NHLH2: variants seen among roughly 807,000 people sequenced by gnomAD.
NHLH2 encodes the protein nescient helix-loop-helix 2, also known as helix-loop-helix protein 2.
Under a neutral mutation model 7.3 loss-of-function variants are expected in NHLH2, and 7 were observed. The ratio of observed to expected loss-of-function variants is 0.96; its 90% CI spans 0.55 to 1.81. The LOEUF (loss-of-function observed/expected upper bound fraction) is 1.81, where lower values mean the gene tolerates loss of function less well. NHLH2 is among the 40% of genes most tolerant of loss of function. NHLH2 has a pLI of 0.00. For missense variants in NHLH2, 155 were observed against 194.0 expected (o/e 0.80, Z 1.19); for synonymous variants, 93 against 91.6 (o/e 1.01, Z -0.09).
chr1:115,835,206 C>T (rs1393989078), downstream of NHLH2, among the ~76,000 whole-genome samples: 1 of 152,142 alleles, frequency 6.6e-6, no homozygotes, highest in Non-Finnish European at 1.5e-5. Flanking sequence ...CTGTGTTGGT[C>T]AGTTGGAAGT....
At chr1:115,834,746 G>T (rs549064009), downstream of NHLH2, among the ~76,000 whole-genome samples, 224 of 152,274 alleles carry the variant, frequency 1.5e-3, no homozygotes, top group African/African-American at 3.9e-3. Flanking sequence ...AATATTGGGG[G>T]TTTTTTCGCT....
rs760965868 is a variant in NHLH2 at position 115,838,374 on chromosome 1, T to C, written c.-2A>G. The C allele has an allele frequency of 6.2e-7, 1 of 1,608,608 alleles. No individual in the cohort carries two copies. Among genetic ancestry groups the C allele is most frequent in the Non-Finnish European group, 8.5e-7 (1 of 1,179,018 alleles). ...TGCTTGGTCCGGACTCAGCATCATT[T>C]TGGAGGCTGAGGAGGGGTCGGAAAA... On this transcript the variant is annotated 5_prime_UTR_variant, in exon 3 of 3. Coordinates refer to ENST00000320238, the MANE Select transcript of NHLH2 (RefSeq NM_005599.3).
downstream of NHLH2, among the ~76,000 whole-genome samples, chr1:115,834,649 C>T (rs1167584917): frequency 6.6e-6 from 1 of 152,180 alleles, no homozygotes; most frequent in Non-Finnish European, 1.5e-5. Flanking sequence ...CTCTAAAATG[C>T]TACCCAGCAC....
rs10802028 is a variant in NHLH2, at chr1:115,837,748, G to C, written c.*217C>G. 0.084 allele frequency: 45,667 copies of C among 545,228 alleles called. 2,186 individuals carry two copies. The highest frequency in any genetic ancestry group is 0.14 in the Middle Eastern group (296 of 2,068). 33.8% of individuals were successfully genotyped at this position (545,228 alleles called of 1,614,324 possible). ...TGGAAAATCCCCCCTGCGAGCCCCC[G>C]GGCTCGCCAGACAACCCCACCTGCC... is the stretch of plus-strand genomic sequence containing the variant. On this transcript the variant is annotated 3_prime_UTR_variant, in exon 3 of 3. Coordinates refer to ENST00000320238, the MANE Select transcript of NHLH2 (RefSeq NM_005599.3).
Position 115,837,940 on chromosome 1 carries a change from G to A in NHLH2, c.*25C>T. On this transcript the variant is annotated 3_prime_UTR_variant, in exon 3 of 3. Coordinates refer to ENST00000320238, the MANE Select transcript of NHLH2 (RefSeq NM_005599.3). ...TAGCGTTTCGCGGACGCCGGGACAG[G>A]CGGCCCCCCGCGGCGCACCCCGCCC... 1.9e-6 allele frequency: 3 copies of A among 1,581,858 alleles called. No homozygotes were observed. The highest frequency in any genetic ancestry group is 2.3e-5 in the South Asian group (2 of 87,994).
chr1:115,832,387 T>C (rs932021480), downstream of NHLH2, among the ~76,000 whole-genome samples: 1 of 152,242 alleles, frequency 6.6e-6, no homozygotes, highest in African/African-American at 2.4e-5. Flanking sequence ...AAATCATTAC[T>C]ATATTAAAGA....
downstream of NHLH2, among the ~76,000 whole-genome samples, chr1:115,832,302 G>C (rs1450326810): frequency 6.6e-6 from 1 of 152,186 alleles, no homozygotes; most frequent in Non-Finnish European, 1.5e-5. Context: ...TGTCTTAGAA[G>C]ATGGGGATGA....
At chr1:115,833,442 C>T (rs1388380305), downstream of NHLH2, among the ~76,000 whole-genome samples, 1 of 152,050 alleles carries the variant, frequency 6.6e-6, no homozygotes, top group Non-Finnish European at 1.5e-5. Flanking sequence ...TGAAGCTTTC[C>T]CTAGGCACAT....
chr1:115,838,304 G>A lies in NHLH2; in HGVS notation c.69C>T (p.Ser23=). The A allele has an allele frequency of 1.9e-6, 3 of 1,609,282 alleles. No individual in the cohort carries two copies. The highest frequency in any genetic ancestry group is 2.5e-6 in the Non-Finnish European group (3 of 1,179,336). Residue 23 remains serine, a synonymous_variant, in exon 3 of 3, where the codon TCC becomes TCT. Transcript: ENST00000320238. ...GCACCTTGGTGTCCGTGCCGCCCAG[G>A]GACTCCGGATCCGAGTGCGCCGAGC... ...HPSSAHSDPE[S]LGGTDTKVLG...
At position 115,837,746 on chromosome 1, in the gene NHLH2, C is replaced by T. The variant is rs1430960694; in HGVS notation, c.*219G>A. On this transcript the variant is annotated 3_prime_UTR_variant, in exon 3 of 3. Transcript: ENST00000320238. ...CCTGGAAAATCCCCCCTGCGAGCCC[C>T]CGGGCTCGCCAGACAACCCCACCTG... 1 of 547,486 alleles carries T rather than the reference C, an allele frequency of 1.8e-6. No homozygotes were observed. The highest frequency in any genetic ancestry group is 3.1e-6 in the Non-Finnish European group (1 of 321,230). The allele number at this position is 547,486 out of a possible 1,614,324, so 33.9% of individuals were successfully genotyped here.
At chr1:115,839,386 G>GC (rs1224194335) in intron 2 of NHLH2, 2 of 166,770 alleles carry the variant, frequency 1.2e-5, no homozygotes, top group East Asian at 1.9e-4. Context: ...CCGGAGCTCG[G>GC]CAGGCTGCAG....
chr1:115,832,780 G>A (rs147390626), downstream of NHLH2, among the ~76,000 whole-genome samples: 17 of 152,312 alleles, frequency 1.1e-4, no homozygotes, highest in Non-Finnish European at 1.8e-4. Flanking sequence ...TGAAAGAAAC[G>A]GAAAGCTTTG....
chr1:115,839,569 G>C (rs2101203320), intron 2 of NHLH2: 3 of 167,122 alleles, frequency 1.8e-5, no homozygotes, highest in African/African-American at 7.2e-5. Flanking sequence ...GGGCTTCCGG[G>C]TAATTCGGGC....
In NHLH2 at chr1:115,838,386, G is replaced by T. The variant is rs1251335468; in HGVS notation, c.-8-6C>A. 6.2e-7 allele frequency: 1 copy of T among 1,608,084 alleles called. No individual in the cohort carries two copies. The highest frequency in any genetic ancestry group is 8.5e-7 in the Non-Finnish European group (1 of 1,178,804). On this transcript the variant is annotated splice_polypyrimidine_tract_variant and splice_region_variant and intron_variant, in intron 2 of 2. Coordinates refer to ENST00000320238, the MANE Select transcript of NHLH2 (RefSeq NM_005599.3). ...ACTCAGCATCATTTTGGAGGCTGAG[G>T]AGGGGTCGGAAAATTAATCAGTAAA...
downstream of NHLH2, among the ~76,000 whole-genome samples, chr1:115,832,568 G>A (rs6701880): frequency 0.26 from 39,465 of 152,026 alleles, 5,259 homozygotes; most frequent in East Asian, 0.36. Context: ...TGGTACATAC[G>A]TTGTCCCATC....
rs1650949835 is a variant in NHLH2 at position 115,838,471 on chromosome 1, A to G, written c.-8-91T>C. On this transcript the variant is annotated intron_variant, in intron 2 of 2. Transcript: ENST00000320238. Reference sequence around the variant, plus strand: ...CGAGGCCTACCACGCCGGTCCTCCCAGCGGACGCGCGGCCCGGGCCCCCTC... The same window carrying G: ...CGAGGCCTACCACGCCGGTCCTCCCGGCGGACGCGCGGCCCGGGCCCCCTC... 1.0e-5 allele frequency: 15 copies of G among 1,440,460 alleles called. No homozygotes were observed. In the South Asian group the frequency reaches 1.6e-4, roughly 15 times the overall value. The allele number at this position is 1,440,460 out of a possible 1,614,324, so 89.2% of individuals were successfully genotyped here. A position where few individuals can be genotyped will look rare whatever the true frequency, so the allele number is the denominator to read the frequency against.
At chr1:115,834,828 T>A (rs148139141), downstream of NHLH2, among the ~76,000 whole-genome samples, 3 of 152,352 alleles carry the variant, frequency 2.0e-5, no homozygotes, top group East Asian at 5.8e-4. Flanking sequence ...GAACAATGTT[T>A]GGCACACAGT....
chr1:115,839,647 G>C (rs1344799455), intron 2 of NHLH2: 1 of 166,656 alleles, frequency 6.0e-6, no homozygotes, highest in Non-Finnish European at 1.5e-5. Context: ...CCTGGGCGTC[G>C]GGAGTGAGGA....
In NHLH2 at chr1:115,838,160, G is replaced by C. The variant is rs1185623364; in HGVS notation, c.213C>G (p.Arg71=). 2.5e-6 allele frequency: 4 copies of C among 1,585,760 alleles called. No individual in the cohort carries two copies. The highest frequency in any genetic ancestry group is 3.4e-6 in the Non-Finnish European group (4 of 1,167,744). Residue 71 remains arginine, a synonymous_variant, in exon 3 of 3, where the codon CGC becomes CGG. Transcript: ENST00000320238. The part of the protein sequence containing the change: ...QQLSREEKRR[R]RRATAKYRSA... ...AGCGGTACTTGGCCGTGGCGCGCCG[G>C]CGGCGGCGCTTCTCCTCGCGGCTCA...
Sources: gnomAD v4.1 joint callset for allele counts (sites outside exome capture counted in the v4.1 genomes callset) on GRCh38, gnomAD v4.1.1 for gene constraint, MANE v1.5 for transcripts, NCBI Gene and HGNC (gene_info 2026-07-23, HGNC 2026-07-21) for gene names.